Variants in KIF6 observed in about 807,000 individuals in gnomAD.
KIF6 encodes kinesin family member 6, also known as kinesin-like protein KIF6.
In KIF6, 106 loss-of-function variants were observed where a neutral mutation model predicts 112.7. That is an observed-to-expected ratio of 0.94 (90% CI 0.80 to 1.11). The LOEUF is 1.11. Ranked by LOEUF, KIF6 falls within the 50% of genes least tolerant of loss-of-function variation. KIF6 has a pLI of 0.00. For missense variants in KIF6, 929 were observed against 964.0 expected (o/e 0.96, Z 0.48); for synonymous variants, 339 against 339.9 (o/e 1.00, Z 0.03).
chr6:39,621,821 T>G (rs2150736583), intron 5 of KIF6, among the ~76,000 whole-genome samples: 1 of 152,304 alleles, frequency 6.6e-6, no homozygotes, highest in African/African-American at 2.4e-5. Flanking sequence ...TGCTAATATT[T>G]TAGGTTAAAA....
At chr6:39,609,322 C>T (rs1399031447) in intron 6 of KIF6, among the ~76,000 whole-genome samples, 1 of 152,156 alleles carries the variant, frequency 6.6e-6, no homozygotes, top group Non-Finnish European at 1.5e-5. Flanking sequence ...GTGTTCCTTT[C>T]TCACCAAAGG....
intron 13 of KIF6, among the ~76,000 whole-genome samples, chr6:39,460,536 T>TAAAAAAAAAAAAAAAAAAAAAA (rs759528125): frequency 5.1e-3 from 292 of 56,896 alleles, no homozygotes; most frequent in Non-Finnish European, 5.8e-3. Flanking sequence ...AAAAAAAAAG[T>TAAAAAAAAAAAAAAAAAAAAAA]AAAAAAAAAA....
chr6:39,684,399 T>C (rs972915427), intron 3 of KIF6, among the ~76,000 whole-genome samples: 2 of 152,120 alleles, frequency 1.3e-5, no homozygotes, highest in East Asian at 1.9e-4. Context: ...GGTGATCACC[T>C]GAGGTTGGGA....
chr6:39,427,266 G>A (rs1437203247), intron 14 of KIF6, among the ~76,000 whole-genome samples: 1 of 152,172 alleles, frequency 6.6e-6, no homozygotes, highest in East Asian at 1.9e-4. Context: ...ATGTGTGGAA[G>A]GGGCCCGGGT....
intron 13 of KIF6, among the ~76,000 whole-genome samples, chr6:39,534,100 C>A (rs1778254132): frequency 1.3e-5 from 2 of 152,054 alleles, no homozygotes; most frequent in Admixed American, 6.5e-5. Context: ...GATAAAACCA[C>A]AAAGATGGGG....
intron 13 of KIF6, among the ~76,000 whole-genome samples, chr6:39,491,276 C>T (rs778337858): frequency 4.0e-5 from 6 of 151,894 alleles, no homozygotes; most frequent in Admixed American, 6.6e-5. Flanking sequence ...GTTGTGAGAA[C>T]GCTCACACAG....
chr6:39,577,114 A>G (rs1244102038), intron 10 of KIF6, among the ~76,000 whole-genome samples: 1 of 152,238 alleles, frequency 6.6e-6, no homozygotes, highest in Non-Finnish European at 1.5e-5. Context: ...GCAGTCTTGC[A>G]AGAAAAGCCT....
chr6:39,331,108 G>T lies in KIF6; in HGVS notation c.*5424C>A. The T allele has an allele frequency of 6.6e-6, 1 of 152,496 alleles. No homozygotes were observed. 9.4% of individuals were successfully genotyped at this position (152,496 alleles called of 1,614,324 possible). ...CCTGCTTCTCTCTTTGCACCTTGCCGGGTTCTCACACTCCCACCCACCTTG... is the reference window on the plus strand; with the variant it reads ...CCTGCTTCTCTCTTTGCACCTTGCCTGGTTCTCACACTCCCACCCACCTTG... On this transcript the variant is annotated 3_prime_UTR_variant, in exon 23 of 23. Transcript: ENST00000287152.
At chr6:39,477,625 G>A (rs576473057) in intron 13 of KIF6, among the ~76,000 whole-genome samples, 13 of 152,324 alleles carry the variant, frequency 8.5e-5, no homozygotes, top group South Asian at 6.2e-4. Flanking sequence ...CACTTTGGGA[G>A]GCCAAGGCTG....
At chr6:39,550,911 T>C (rs893214930) in intron 10 of KIF6, among the ~76,000 whole-genome samples, 1 of 152,184 alleles carries the variant, frequency 6.6e-6, no homozygotes, top group Non-Finnish European at 1.5e-5. Flanking sequence ...GACAAAGATA[T>C]AAAAGGATGT....
chr6:39,452,097 G>GT (rs1772735927), intron 13 of KIF6, among the ~76,000 whole-genome samples: 1 of 152,182 alleles, frequency 6.6e-6, no homozygotes, highest in Non-Finnish European at 1.5e-5. Context: ...TTGGGCAACT[G>GT]TTTTTGCTGC....
At chr6:39,648,932 G>A (rs1785318283) in intron 3 of KIF6, among the ~76,000 whole-genome samples, 1 of 151,256 alleles carries the variant, frequency 6.6e-6, no homozygotes, top group Non-Finnish European at 1.5e-5. Context: ...ACAGGAGGCA[G>A]ATGGATTGCT....
At chr6:39,599,280 C>T (rs751651202) in intron 6 of KIF6, among the ~76,000 whole-genome samples, 1 of 152,198 alleles carries the variant, frequency 6.6e-6, no homozygotes, top group Non-Finnish European at 1.5e-5. Context: ...AGATCTCCAC[C>T]TTTGCAAAAT....
intron 10 of KIF6, among the ~76,000 whole-genome samples, chr6:39,561,296 T>C (rs532038517): frequency 3.2e-4 from 49 of 152,126 alleles, no homozygotes; most frequent in Non-Finnish European, 5.7e-4. Context: ...GTTTAAGTCA[T>C]AAAGTGTTTT....
chr6:39,582,082 G>T (rs924832883), intron 9 of KIF6, among the ~76,000 whole-genome samples: 3 of 152,102 alleles, frequency 2.0e-5, no homozygotes, highest in Non-Finnish European at 4.4e-5. Context: ...TGAAAATCCT[G>T]AGATAGTAAC....
chr6:39,352,211 TATTATTAAC>T (rs1208617888), intron 19 of KIF6, among the ~76,000 whole-genome samples: 3 of 152,246 alleles, frequency 2.0e-5, no homozygotes, highest in African/African-American at 7.2e-5. Context: ...CAGTTTTCCT[TATTATTAAC>T]ATTTTGTATT....
intron 3 of KIF6, among the ~76,000 whole-genome samples, chr6:39,708,637 G>A (rs1789352704): frequency 6.6e-6 from 1 of 152,132 alleles, no homozygotes; most frequent in Non-Finnish European, 1.5e-5. Context: ...TGCACATAAA[G>A]TAAATTTCCT....
At chr6:39,612,166 G>T (rs1243807855) in intron 6 of KIF6, among the ~76,000 whole-genome samples, 1 of 152,168 alleles carries the variant, frequency 6.6e-6, no homozygotes, top group Non-Finnish European at 1.5e-5. Flanking sequence ...GGTCTATCTT[G>T]CGTCTAAGGC....
At chr6:39,369,410 T>A (rs1048603153) in intron 16 of KIF6, among the ~76,000 whole-genome samples, 1 of 152,170 alleles carries the variant, frequency 6.6e-6, no homozygotes, top group Non-Finnish European at 1.5e-5. Context: ...TGCCACTGCC[T>A]TCCCCTCAGG....
Sources: gnomAD v4.1 joint callset for allele counts (sites outside exome capture counted in the v4.1 genomes callset) on GRCh38, gnomAD v4.1.1 for gene constraint, MANE v1.5 for transcripts, NCBI Gene and HGNC (gene_info 2026-07-23, HGNC 2026-07-21) for gene names.